Variants in IMMP2L observed in about 807,000 individuals in gnomAD.
The protein encoded by IMMP2L is mitochondrial inner membrane protease subunit 2.
A neutral mutation model predicts 19.3 loss-of-function variants in IMMP2L; 18 were observed. The ratio of observed to expected loss-of-function variants is 0.93; its 90% CI spans 0.64 to 1.38. The LOEUF is 1.38. IMMP2L is among the 40% of genes most tolerant of loss of function. The pLI is 0.00. For synonymous variants in IMMP2L, 76 were observed against 73.0 expected (o/e 1.04, Z -0.21); for missense variants, 233 against 218.2 (o/e 1.07, Z -0.43).
rs900139751 is a variant in IMMP2L, at chr7:111,123,141, A to G, written c.240-159576T>C. ...TGCCTCAGCTCCTTTCTGTGTACCT[A>G]GAGGAAAACAAACTTACTGAACTGC... On this transcript the variant is annotated intron_variant, in intron 3 of 5. Transcript: ENST00000405709. This position sits in a 1 kb window ranked among gnomAD's most constrained non-coding sequence, Gnocchi z 6.4. The G allele has an allele frequency of 6.8e-6, 11 of 1,613,846 alleles. No individual in the cohort carries two copies. In the African/African-American group the frequency reaches 1.3e-4, roughly 20 times the overall value.
intron 4 of IMMP2L, among the ~76,000 whole-genome samples, chr7:110,927,927 T>G (rs1004056458): frequency 7.9e-5 from 12 of 152,094 alleles, no homozygotes; most frequent in South Asian, 4.1e-4. Flanking sequence ...AGTAGGAAGC[T>G]CACTTTGCAG....
intron 3 of IMMP2L, among the ~76,000 whole-genome samples, chr7:111,089,361 C>A (rs1429881766): frequency 6.6e-6 from 1 of 151,876 alleles, no homozygotes; most frequent in South Asian, 2.1e-4. Flanking sequence ...CAGTCAATAC[C>A]AATCAATGAA....
intron 3 of IMMP2L, among the ~76,000 whole-genome samples, chr7:111,326,427 C>T (rs1050406586): frequency 6.6e-6 from 1 of 151,766 alleles, no homozygotes; most frequent in Non-Finnish European, 1.5e-5. Flanking sequence ...TGCATTCTCC[C>T]TCCATAAGTG....
intron 3 of IMMP2L, among the ~76,000 whole-genome samples, chr7:111,314,118 C>A (rs181175984): frequency 6.6e-6 from 1 of 152,186 alleles, no homozygotes; most frequent in African/African-American, 2.4e-5. Flanking sequence ...AAGAACTGAG[C>A]CAATTAAACC....
At chr7:111,471,149 C>T (rs541274087) in intron 3 of IMMP2L, among the ~76,000 whole-genome samples, 12 of 152,076 alleles carry the variant, frequency 7.9e-5, no homozygotes, top group South Asian at 4.2e-4. Context: ...TTTTACTAAA[C>T]TAAGGCAGTA....
intron 5 of IMMP2L, among the ~76,000 whole-genome samples, chr7:110,677,357 G>T (rs1368866426): frequency 6.6e-6 from 1 of 151,992 alleles, no homozygotes; most frequent in African/African-American, 2.4e-5. Context: ...TATAAATGAT[G>T]CTCCCTACTT....
chr7:110,934,307 T>A (rs1231969827), intron 4 of IMMP2L, among the ~76,000 whole-genome samples: 3 of 152,234 alleles, frequency 2.0e-5, no homozygotes, highest in Non-Finnish European at 4.4e-5. Context: ...GAGAAGAATG[T>A]ACATTTTGTT....
intron 3 of IMMP2L, among the ~76,000 whole-genome samples, chr7:111,370,596 T>TA (rs1042542392): frequency 1.3e-5 from 2 of 151,970 alleles, no homozygotes; most frequent in African/African-American, 4.8e-5. Flanking sequence ...TAACCATAAA[T>TA]ATTAACACAG....
chr7:110,788,701 G>A (rs1417194044), intron 5 of IMMP2L, among the ~76,000 whole-genome samples: 6 of 151,550 alleles, frequency 4.0e-5, no homozygotes, highest in South Asian at 2.1e-4. Context: ...TTAATTTTGC[G>A]CTCCGATGCA....
chr7:110,953,330 C>T (rs766199657), intron 4 of IMMP2L, among the ~76,000 whole-genome samples: 6 of 151,732 alleles, frequency 4.0e-5, no homozygotes, highest in South Asian at 2.1e-4. Flanking sequence ...CCCCACCCCC[C>T]GACAGGCCCC....
intron 3 of IMMP2L, among the ~76,000 whole-genome samples, chr7:111,376,884 G>A (rs1298306608): frequency 6.6e-6 from 1 of 152,012 alleles, no homozygotes; most frequent in African/African-American, 2.4e-5. Context: ...TGGTTGCTAG[G>A]GACAGAGTGA....
chr7:111,396,803 C>A (rs1321712443), intron 3 of IMMP2L, among the ~76,000 whole-genome samples: 1 of 151,964 alleles, frequency 6.6e-6, no homozygotes, highest in Admixed American at 6.6e-5. Flanking sequence ...AAACATTTTT[C>A]ACTGGGTGCG....
chr7:111,561,000 C>T (rs553332191), intron 1 of IMMP2L, among the ~76,000 whole-genome samples: 1 of 152,274 alleles, frequency 6.6e-6, no homozygotes, highest in South Asian at 2.1e-4. Flanking sequence ...CTGCTTGTAG[C>T]TAATCTGAAT....
intron 5 of IMMP2L, among the ~76,000 whole-genome samples, chr7:110,869,250 A>G (rs1808305552): frequency 6.6e-6 from 1 of 152,118 alleles, no homozygotes; most frequent in Admixed American, 6.6e-5. Context: ...CTAATTAAAA[A>G]TCTGATTCTG....
At chr7:111,435,202 AATC>A (rs1837031872) in intron 3 of IMMP2L, among the ~76,000 whole-genome samples, 1 of 151,906 alleles carries the variant, frequency 6.6e-6, no homozygotes, top group African/African-American at 2.4e-5. Context: ...AAAGGGAAGA[AATC>A]ATCATATTAA....
At chr7:111,210,372 G>A (rs987630283) in intron 3 of IMMP2L, among the ~76,000 whole-genome samples, 3 of 152,094 alleles carry the variant, frequency 2.0e-5, no homozygotes, top group African/African-American at 7.2e-5. Context: ...TATTTCACGT[G>A]TAAACTTACA....
intron 3 of IMMP2L, among the ~76,000 whole-genome samples, chr7:111,214,548 T>C (rs1811725238): frequency 7.0e-6 from 1 of 142,176 alleles, no homozygotes; most frequent in Non-Finnish European, 1.6e-5. Flanking sequence ...AGACAGGGTT[T>C]CAACACGTTG....
At chr7:111,319,203 C>A (rs1231293712) in intron 3 of IMMP2L, among the ~76,000 whole-genome samples, 2 of 152,030 alleles carry the variant, frequency 1.3e-5, no homozygotes, top group African/African-American at 2.4e-5. Flanking sequence ...TGAGAGCATT[C>A]TTTTTTCACC....
At chr7:111,093,341 G>A (rs1797062948) in intron 3 of IMMP2L, among the ~76,000 whole-genome samples, 1 of 152,100 alleles carries the variant, frequency 6.6e-6, no homozygotes, top group Admixed American at 6.6e-5. Flanking sequence ...TTGCTTTTCT[G>A]CTATTTATTA....
Sources: allele counts gnomAD v4.1 joint callset (sites outside exome capture counted in the v4.1 genomes callset), GRCh38; gene constraint gnomAD v4.1.1; non-coding constraint Gnocchi (gnomAD v3.1); transcripts MANE v1.5; gene names NCBI Gene and HGNC (gene_info 2026-07-23, HGNC 2026-07-21).